Variants in CTNNA2 observed in about 807,000 individuals in gnomAD.
CTNNA2 encodes catenin alpha-2.
CTNNA2 carries 42 observed loss-of-function variants against 101.0 expected under a neutral mutation model. The observed-to-expected ratio is 0.42, with a 90% CI of 0.32 to 0.54. CTNNA2 has a LOEUF of 0.54. Among genes scored for constraint, CTNNA2 ranks in the 20% least tolerant of loss-of-function variants. The pLI, the probability that CTNNA2 is intolerant of heterozygous loss-of-function variation, is 0.14. For missense variants in CTNNA2, 871 were observed against 1,223.1 expected, an observed-to-expected ratio of 0.71 and a Z score of 4.29; for synonymous variants, 450 against 456.4, an observed-to-expected ratio of 0.99 and a Z score of 0.18.
intron 7 of CTNNA2, among the ~76,000 whole-genome samples, chr2:79,999,896 G>A (rs1432498861): frequency 6.6e-6 from 1 of 152,120 alleles, no homozygotes; most frequent in Non-Finnish European, 1.5e-5. Context: ...ACGTGTTCAT[G>A]GTTGTTTTCA....
At chr2:80,589,916 G>GCA (rs1558621305) in intron 15 of CTNNA2, among the ~76,000 whole-genome samples, 6 of 151,862 alleles carry the variant, frequency 4.0e-5, no homozygotes, top group Non-Finnish European at 7.4e-5. Context: ...GCGCGCGCGC[G>GCA]CATGTATACA....
intron 7 of CTNNA2, among the ~76,000 whole-genome samples, chr2:80,351,806 T>C (rs534815657): frequency 1.3e-5 from 2 of 152,252 alleles, no homozygotes; most frequent in Non-Finnish European, 2.9e-5. Flanking sequence ...TAATTTTATC[T>C]TTTTTCCATG....
At chr2:79,722,866 T>A (rs962556745) in intron 2 of CTNNA2, among the ~76,000 whole-genome samples, 1 of 152,142 alleles carries the variant, frequency 6.6e-6, no homozygotes, top group Non-Finnish European at 1.5e-5. Context: ...CAGATCATGA[T>A]TATGTAGTTG....
At chr2:80,354,325 GA>G (rs1183135598) in intron 7 of CTNNA2, among the ~76,000 whole-genome samples, 1 of 152,126 alleles carries the variant, frequency 6.6e-6, no homozygotes, top group African/African-American at 2.4e-5. Flanking sequence ...CAGAGGAGAG[GA>G]AGGGGGAGGA....
chr2:79,750,530 CATT>C (rs1308869398), intron 3 of CTNNA2, among the ~76,000 whole-genome samples: 7 of 152,206 alleles, frequency 4.6e-5, no homozygotes, highest in Admixed American at 4.6e-4. Flanking sequence ...AACAGGCAGT[CATT>C]ATACAAGGTT....
At chr2:80,202,453 A>T (rs557248998) in intron 7 of CTNNA2, among the ~76,000 whole-genome samples, 4 of 152,190 alleles carry the variant, frequency 2.6e-5, no homozygotes, top group African/African-American at 4.8e-5. Context: ...GGCTTCCCCT[A>T]TTGGCTGTCA....
chr2:79,679,748 C>T (rs1683430977), intron 2 of CTNNA2, among the ~76,000 whole-genome samples: 1 of 152,118 alleles, frequency 6.6e-6, no homozygotes, highest in Non-Finnish European at 1.5e-5. Context: ...TGCAAAACCT[C>T]TGTTTGGAGG....
At chr2:79,454,882 C>G (rs1670798913) in intron 4 of CTNNA2, among the ~76,000 whole-genome samples, 1 of 152,168 alleles carries the variant, frequency 6.6e-6, no homozygotes, top group African/African-American at 2.4e-5. Flanking sequence ...ATGCTCGTAT[C>G]TTTCTTGTTA....
intron 18 of CTNNA2, among the ~76,000 whole-genome samples, chr2:80,644,671 A>G (rs948069627): frequency 6.6e-6 from 1 of 152,180 alleles, no homozygotes; most frequent in Non-Finnish European, 1.5e-5. Context: ...AACTTTTTTT[A>G]AAAGTCAAAT....
intron 4 of CTNNA2, among the ~76,000 whole-genome samples, chr2:79,482,451 G>A (rs200786781): frequency 2.0e-5 from 3 of 152,136 alleles, no homozygotes; most frequent in East Asian, 1.9e-4. Flanking sequence ...TTCCTGGCCC[G>A]AGCCTGAAAA....
At chr2:80,246,331 A>G (rs886816960) in intron 7 of CTNNA2, among the ~76,000 whole-genome samples, 1 of 152,208 alleles carries the variant, frequency 6.6e-6, no homozygotes, top group African/African-American at 2.4e-5. Context: ...GCAATTTGCT[A>G]TTGGAAGTAG....
chr2:80,093,073 A>G (rs181977451), intron 7 of CTNNA2, among the ~76,000 whole-genome samples: 1 of 151,804 alleles, frequency 6.6e-6, no homozygotes, highest in Non-Finnish European at 1.5e-5. Context: ...GTTACATATG[A>G]ATACATGTGC....
intron 3 of CTNNA2, among the ~76,000 whole-genome samples, chr2:79,354,284 TTC>T (rs1306324808): frequency 6.6e-6 from 1 of 152,206 alleles, no homozygotes; most frequent in Non-Finnish European, 1.5e-5. Flanking sequence ...AACTTGCTTA[TTC>T]TCTCTCCATC....
intron 3 of CTNNA2, among the ~76,000 whole-genome samples, chr2:79,329,674 A>G (rs1368250910): frequency 1.3e-5 from 2 of 152,234 alleles, no homozygotes; most frequent in Middle Eastern, 3.4e-3. Flanking sequence ...TTGTAGTAGC[A>G]TGAGGCATTT....
intron 3 of CTNNA2, among the ~76,000 whole-genome samples, chr2:79,845,081 G>GTATA (rs149787594): frequency 1.4e-4 from 20 of 145,168 alleles, no homozygotes; most frequent in Non-Finnish European, 2.3e-4. Context: ...ATATATATGT[G>GTATA]TATATATATA....
chr2:79,443,201 G>C (rs1678795586), intron 4 of CTNNA2, among the ~76,000 whole-genome samples: 1 of 152,080 alleles, frequency 6.6e-6, no homozygotes, highest in South Asian at 2.1e-4. Context: ...AAAGTTCCAT[G>C]ATCTGCCATC....
At chr2:79,514,344 C>T (rs1443699447) in intron 1 of CTNNA2, among the ~76,000 whole-genome samples, 3 of 152,178 alleles carry the variant, frequency 2.0e-5, no homozygotes, top group Admixed American at 2.0e-4. Flanking sequence ...CTTTAACAGA[C>T]ACCCTTACCC....
chr2:80,273,973 G>A (rs918075026), intron 7 of CTNNA2, among the ~76,000 whole-genome samples: 46 of 152,088 alleles, frequency 3.0e-4, no homozygotes, highest in African/African-American at 1.0e-3. Flanking sequence ...GGTTATTACT[G>A]TATCCCAGTG....
intron 7 of CTNNA2, among the ~76,000 whole-genome samples, chr2:80,075,878 A>G (rs1380995597): frequency 6.6e-6 from 1 of 150,874 alleles, no homozygotes; most frequent in Admixed American, 6.6e-5. Context: ...CCATCACTCT[A>G]ATAGACTTCA....
Sources: gnomAD v4.1 joint callset for allele counts (sites outside exome capture counted in the v4.1 genomes callset) on GRCh38, gnomAD v4.1.1 for gene constraint, MANE v1.5 for transcripts, NCBI Gene and HGNC (gene_info 2026-07-23, HGNC 2026-07-21) for gene names.